ZMIZ1: variants seen among roughly 807,000 people sequenced by gnomAD.
ZMIZ1 encodes zinc finger MIZ domain-containing protein 1.
Under a neutral mutation model 113.9 loss-of-function variants are expected in ZMIZ1, and 17 were observed. The ratio of observed to expected loss-of-function variants is 0.15; its 90% CI spans 0.10 to 0.22. The LOEUF is 0.22. Among genes scored for constraint, ZMIZ1 ranks in the 10% least tolerant of loss-of-function variants. ZMIZ1 has a pLI of 1.00. For synonymous variants in ZMIZ1, 607 were observed against 603.1 expected (o/e 1.01, Z -0.09); for missense variants, 1,059 against 1,477.8 (o/e 0.72, Z 4.65).
chr10:79,101,885 A>G (rs1211777546), intron 1 of ZMIZ1, among the ~76,000 whole-genome samples: 1 of 152,176 alleles, frequency 6.6e-6, no homozygotes, highest in Non-Finnish European at 1.5e-5. Context: ...GCAGCTGTCA[A>G]TTACCATCAG....
At chr10:79,262,221 C>A (rs1851312571) in intron 7 of ZMIZ1, among the ~76,000 whole-genome samples, 1 of 152,232 alleles carries the variant, frequency 6.6e-6, no homozygotes, top group Non-Finnish European at 1.5e-5. Context: ...AAAGTGGGGT[C>A]CCCAGGTCAG....
At chr10:79,192,067 C>T (rs1434148296) in intron 4 of ZMIZ1, among the ~76,000 whole-genome samples, 5 of 152,234 alleles carry the variant, frequency 3.3e-5, no homozygotes, top group Admixed American at 2.6e-4. Context: ...CCTCCTTTGC[C>T]TCTGGGGAAG....
At chr10:79,114,731 G>A (rs983776079) in intron 1 of ZMIZ1, among the ~76,000 whole-genome samples, 4 of 152,182 alleles carry the variant, frequency 2.6e-5, no homozygotes, top group African/African-American at 9.7e-5. Flanking sequence ...GGAAGGAGCT[G>A]CCACCAGTAT....
chr10:79,286,377 G>A lies in ZMIZ1; in HGVS notation c.426-3398G>A, dbSNP rs1345530363. On this transcript the variant is annotated intron_variant, in intron 8 of 24. Transcript: ENST00000334512. ...CAGCAGGGCTGCTGTGGGGGCCTGCGGGGGCGAGAGCCTTCTCTGCGACAG... is the reference window on the plus strand; with the variant it reads ...CAGCAGGGCTGCTGTGGGGGCCTGCAGGGGCGAGAGCCTTCTCTGCGACAG... Among the ~76,000 whole-genome samples, 6 of 152,354 alleles carry A rather than the reference G, an allele frequency of 3.9e-5. No individual in the cohort carries two copies. The East Asian group carries it at 5.8e-4, about 15-fold the overall frequency.
chr10:79,075,850 C>A (rs150083598), intron 1 of ZMIZ1, among the ~76,000 whole-genome samples: 1 of 152,184 alleles, frequency 6.6e-6, no homozygotes, highest in Non-Finnish European at 1.5e-5. Flanking sequence ...GCTCTTTCTT[C>A]GAAAGTTCTG....
intron 7 of ZMIZ1, among the ~76,000 whole-genome samples, chr10:79,266,504 G>C (rs967747704): frequency 6.6e-6 from 1 of 152,232 alleles, no homozygotes; most frequent in African/African-American, 2.4e-5. Flanking sequence ...AAAAGGTTGT[G>C]TGCTCCCACG....
At chr10:79,153,364 G>C (rs550350140) in intron 3 of ZMIZ1, among the ~76,000 whole-genome samples, 11 of 152,352 alleles carry the variant, frequency 7.2e-5, no homozygotes, top group Admixed American at 2.0e-4. Context: ...TTGGCAGATA[G>C]AGAGACAGAG....
At chr10:79,104,727 C>T (rs546000510) in intron 1 of ZMIZ1, among the ~76,000 whole-genome samples, 71 of 152,296 alleles carry the variant, frequency 4.7e-4, no homozygotes, top group Non-Finnish European at 7.9e-4. Flanking sequence ...CTCTGGAGGC[C>T]GTGAACCTCA....
intron 6 of ZMIZ1, among the ~76,000 whole-genome samples, chr10:79,213,302 A>G (rs1848595357): frequency 6.6e-6 from 1 of 152,196 alleles, no homozygotes; most frequent in Non-Finnish European, 1.5e-5. Context: ...AGGCTGGGCC[A>G]GAGGAACCCA....
At chr10:79,192,035 C>G (rs1564709702) in intron 4 of ZMIZ1, among the ~76,000 whole-genome samples, 1 of 152,182 alleles carries the variant, frequency 6.6e-6, no homozygotes, top group Non-Finnish European at 1.5e-5. Flanking sequence ...CCCAAGGGGC[C>G]TTCTCCAGAG....
chr10:79,160,828 G>A (rs558849654), intron 3 of ZMIZ1, among the ~76,000 whole-genome samples: 2 of 152,382 alleles, frequency 1.3e-5, no homozygotes, highest in South Asian at 2.1e-4. Flanking sequence ...CACGATCTTT[G>A]TTCTGAGAGG....
intron 8 of ZMIZ1, 49 bp from the exon 9 acceptor site, chr10:79,289,726 A>T: frequency 6.5e-7 from 1 of 1,549,698 alleles, no homozygotes; most frequent in East Asian, 2.3e-5. Flanking sequence ...GCCTGTCTTG[A>T]GTCTGTGCCT....
At chr10:79,167,808 C>T (rs935998589) in intron 4 of ZMIZ1, among the ~76,000 whole-genome samples, 1 of 152,170 alleles carries the variant, frequency 6.6e-6, no homozygotes, top group African/African-American at 2.4e-5. Context: ...CTTTGTTCCT[C>T]CCAGGAAAGG....
At chr10:79,305,126 A>G (rs1052622937) in intron 19 of ZMIZ1, 38 bp from the exon 20 acceptor site, 41 of 1,613,068 alleles carry the variant, frequency 2.5e-5, no homozygotes, top group Non-Finnish European at 3.4e-5. Context: ...AGTTTCTGAC[A>G]GTCCTGGTCT....
rs890620962 is a variant in ZMIZ1 at position 79,299,067 on chromosome 10, C to G, written c.1684C>G (p.Leu562Val). 1 of 1,611,056 alleles carries G rather than the reference C, an allele frequency of 6.2e-7. No individual in the cohort carries two copies. The highest frequency in any genetic ancestry group is 1.3e-5 in the African/African-American group (1 of 74,928). The change falls in exon 16 of 25, where the codon CTG becomes GTG. Residue 562 changes from leucine (L) to valine (V), a missense_variant. Leu to Val is a conservative substitution (Grantham distance 32). Coordinates refer to ENST00000334512, the MANE Select transcript of ZMIZ1 (RefSeq NM_020338.4). ...CGCCCCAGCCAACCACAATGACGAGCTGCGGCTCACATTCCCTGTGCGGGA... is the reference window on the plus strand; with the variant it reads ...CGCCCCAGCCAACCACAATGACGAGGTGCGGCTCACATTCCCTGTGCGGGA... ...PPPPANHNDE[L>V]RLTFPVRDGV...
At chr10:79,129,633 G>C (rs1452477130) in intron 2 of ZMIZ1, among the ~76,000 whole-genome samples, 1 of 152,224 alleles carries the variant, frequency 6.6e-6, no homozygotes, top group Non-Finnish European at 1.5e-5. Flanking sequence ...TGTGACTGCA[G>C]TTGTCTGGTG....
chr10:79,253,830 G>A (rs973201041), intron 7 of ZMIZ1, among the ~76,000 whole-genome samples: 4 of 152,112 alleles, frequency 2.6e-5, no homozygotes, highest in African/African-American at 9.7e-5. Flanking sequence ...ATCATGCCCT[G>A]TGTGGATGCA....
chr10:79,279,926 C>T (rs544564645), intron 8 of ZMIZ1, among the ~76,000 whole-genome samples: 31 of 151,542 alleles, frequency 2.0e-4, no homozygotes, highest in Admixed American at 8.5e-4. Flanking sequence ...AGTCCAGCCT[C>T]GGCTAGGTAT....
At chr10:79,305,137 C>CAG in intron 19 of ZMIZ1, 27 bp from the exon 20 acceptor site, 1 of 1,613,460 alleles carries the variant, frequency 6.2e-7, no homozygotes, top group Admixed American at 1.7e-5. Flanking sequence ...GTCCTGGTCT[C>CAG]ACCTGTGTCT....
Sources: allele counts gnomAD v4.1 joint callset (sites outside exome capture counted in the v4.1 genomes callset), GRCh38; gene constraint gnomAD v4.1.1; transcripts MANE v1.5; gene names NCBI Gene and HGNC (gene_info 2026-07-23, HGNC 2026-07-21).